The following PLCXD3 variants were observed in gnomAD, a reference collection of about 807,000 sequenced individuals.
PLCXD3 encodes the protein phosphatidylinositol specific phospholipase C X domain containing 3, also known as PI-PLC X domain-containing protein 3.
PLCXD3 carries 19 observed loss-of-function variants against 25.5 expected under a neutral mutation model. That is an observed-to-expected ratio of 0.75 (90% CI 0.52 to 1.09). The LOEUF (loss-of-function observed/expected upper bound fraction) is 1.09, where lower values mean the gene tolerates loss of function less well. PLCXD3 is among the 50% of genes least tolerant of loss of function. The pLI is 0.00. For missense variants in PLCXD3, 411 were observed against 388.1 expected (o/e 1.06, Z -0.50); for synonymous variants, 174 against 137.6 (o/e 1.26, Z -1.85).
chr5:41,505,187 C>T (rs1423136643), intron 1 of PLCXD3, among the ~76,000 whole-genome samples: 1 of 151,966 alleles, frequency 6.6e-6, no homozygotes, highest in African/African-American at 2.4e-5. Context: ...ATTGTGGTAT[C>T]CATTTAAGCA....
Position 41,464,923 on chromosome 5 carries a change from T to C in PLCXD3, c.103+45501A>G, listed in dbSNP as rs563256583. ...CTGATCTTCTATTCAATGTATATTA[T>C]GTTTTTATTTCAATAACTACTTTAT... is the stretch of plus-strand genomic sequence containing the variant. On this transcript the variant is annotated intron_variant, in intron 1 of 2. Coordinates refer to ENST00000377801, the MANE Select transcript of PLCXD3 (RefSeq NM_001005473.3). 2.6e-5 allele frequency among the ~76,000 whole-genome samples: 4 copies of C among 152,176 alleles called. No individual in the cohort carries two copies. The South Asian group carries it at 8.3e-4, about 32-fold the overall frequency.
intron 1 of PLCXD3, chr5:41,456,581 T>TCC (rs967374921): frequency 1.1e-6 from 1 of 929,780 alleles, no homozygotes; most frequent in African/African-American, 1.8e-5. Context: ...GATGTTTGTG[T>TCC]CCCCCCTGAC....
At chr5:41,375,582 A>C (rs983454093) in intron 2 of PLCXD3, among the ~76,000 whole-genome samples, 1 of 152,090 alleles carries the variant, frequency 6.6e-6, no homozygotes, top group East Asian at 1.9e-4. Context: ...AGTCATCTCT[A>C]ACTCCCTTCA....
chr5:41,344,543 C>A (rs535697870), intron 2 of PLCXD3, among the ~76,000 whole-genome samples: 159 of 152,042 alleles, frequency 1.0e-3, no homozygotes, highest in African/African-American at 3.6e-3. Flanking sequence ...CATTATTTTG[C>A]TCTTATAATT....
At chr5:41,490,202 T>G (rs1437862938) in intron 1 of PLCXD3, among the ~76,000 whole-genome samples, 1 of 152,182 alleles carries the variant, frequency 6.6e-6, no homozygotes, top group Non-Finnish European at 1.5e-5. Context: ...TCACGTGGTT[T>G]TTGTCTTTGG....
chr5:41,346,872 T>C (rs879596119), intron 2 of PLCXD3, among the ~76,000 whole-genome samples: 4 of 152,240 alleles, frequency 2.6e-5, no homozygotes, highest in Non-Finnish European at 5.9e-5. Context: ...ATTTAACAGT[T>C]TGTTTATCCA....
intron 1 of PLCXD3, among the ~76,000 whole-genome samples, chr5:41,454,252 T>C (rs1190440521): frequency 6.6e-6 from 1 of 152,046 alleles, no homozygotes; most frequent in African/African-American, 2.4e-5. Context: ...ACTGGTGTCC[T>C]GTCTTAGTTC....
chr5:41,325,264 G>T (rs1035722825), intron 2 of PLCXD3, among the ~76,000 whole-genome samples: 1 of 152,088 alleles, frequency 6.6e-6, no homozygotes, highest in African/African-American at 2.4e-5. Flanking sequence ...TCAGGCATAC[G>T]TTCCTAAAGT....
chr5:41,332,342 A>T (rs1418213400), intron 2 of PLCXD3, among the ~76,000 whole-genome samples: 1 of 152,162 alleles, frequency 6.6e-6, no homozygotes, highest in East Asian at 1.9e-4. Flanking sequence ...CACATGAAAA[A>T]ATGCTCACCA....
intron 1 of PLCXD3, among the ~76,000 whole-genome samples, chr5:41,385,244 G>T (rs144248111): frequency 4.3e-4 from 66 of 152,144 alleles, no homozygotes; most frequent in Non-Finnish European, 9.0e-4. Flanking sequence ...TATCTGGTCT[G>T]ATATTTTGCT....
At chr5:41,346,600 CAT>C (rs1744309772) in intron 2 of PLCXD3, among the ~76,000 whole-genome samples, 1 of 151,984 alleles carries the variant, frequency 6.6e-6, no homozygotes, top group Admixed American at 6.6e-5. Flanking sequence ...ATTAATTTAA[CAT>C]ATAAAATTTA....
At chr5:41,342,848 C>T (rs1431821694) in intron 2 of PLCXD3, among the ~76,000 whole-genome samples, 1 of 152,054 alleles carries the variant, frequency 6.6e-6, no homozygotes, top group African/African-American at 2.4e-5. Flanking sequence ...GCTTGCTTCA[C>T]AATTTGAAAA....
rs566872973 is a variant in PLCXD3 at position 41,435,116 on chromosome 5, G to A, written c.104-52582C>T. On this transcript the variant is annotated intron_variant, in intron 1 of 2. Transcript: ENST00000377801. The stretch of plus-strand genomic sequence containing the variant: ...ACACATGTGCATCTATGTGTACAAA[G>A]GCACAAAGGATTTTAAATGGTATCG... 2.0e-5 allele frequency among the ~76,000 whole-genome samples: 3 copies of A among 152,226 alleles called. No individual in the cohort carries two copies. In the East Asian group the frequency reaches 5.8e-4, roughly 29 times the overall value.
intron 1 of PLCXD3, among the ~76,000 whole-genome samples, chr5:41,423,951 G>A (rs954286582): frequency 6.6e-6 from 1 of 152,072 alleles, no homozygotes; most frequent in African/African-American, 2.4e-5. Context: ...TCTTTCTTTT[G>A]TATGTGTTTT....
At chr5:41,489,499 G>A (rs1017375582) in intron 1 of PLCXD3, among the ~76,000 whole-genome samples, 2 of 152,142 alleles carry the variant, frequency 1.3e-5, no homozygotes, top group Non-Finnish European at 2.9e-5. Flanking sequence ...GGATGGCCTT[G>A]AATCTGTAAA....
intron 1 of PLCXD3, among the ~76,000 whole-genome samples, chr5:41,399,032 A>T (rs1052875931): frequency 1.3e-5 from 2 of 152,244 alleles, no homozygotes; most frequent in African/African-American, 2.4e-5. Context: ...CATACAAAAA[A>T]AAAGTAGCAT....
chr5:41,505,600 A>T (rs1233941571), intron 1 of PLCXD3, among the ~76,000 whole-genome samples: 1 of 152,204 alleles, frequency 6.6e-6, no homozygotes, highest in African/African-American at 2.4e-5. Context: ...ATGGACAAAG[A>T]ACCAATATAG....
chr5:41,403,413 T>TTTTTTTTGTTTTTG (rs1178334780), intron 1 of PLCXD3, among the ~76,000 whole-genome samples: 1 of 32,176 alleles, frequency 3.1e-5, no homozygotes. Context: ...TTTTTTTTTT[T>TTTTTTTTGTTTTTG]TTTATTATAC....
intron 1 of PLCXD3, among the ~76,000 whole-genome samples, chr5:41,400,858 T>A (rs191092629): frequency 1.3e-5 from 2 of 152,192 alleles, no homozygotes; most frequent in African/African-American, 4.8e-5. Flanking sequence ...TTGGATTGTT[T>A]GTAACTCAAA....
Sources: gnomAD v4.1 joint callset for allele counts (sites outside exome capture counted in the v4.1 genomes callset) on GRCh38, gnomAD v4.1.1 for gene constraint, MANE v1.5 for transcripts, NCBI Gene and HGNC (gene_info 2026-07-23, HGNC 2026-07-21) for gene names.